MYLIP: variants seen among roughly 807,000 people sequenced by gnomAD.
The protein encoded by MYLIP is myosin regulatory light chain interacting protein.
In MYLIP, 26 loss-of-function variants were observed where a neutral mutation model predicts 45.8. The observed-to-expected ratio is 0.57, with a 90% confidence interval of 0.42 to 0.79. The LOEUF is 0.79. MYLIP is among the 30% of genes least tolerant of loss of function. The pLI is 0.00. For synonymous variants in MYLIP, 213 were observed against 218.1 expected (o/e 0.98, Z 0.21); for missense variants, 494 against 555.6 (o/e 0.89, Z 1.11).
chr6:16,157,370 C>T, the MYLIP span, among the ~76,000 whole-genome samples: 1 of 152,212 alleles, frequency 6.6e-6, no homozygotes, highest in Non-Finnish European at 1.5e-5. Flanking sequence ...ATGCATATGC[C>T]TAGATTACAA....
chr6:16,163,051 C>A, the MYLIP span, among the ~76,000 whole-genome samples: 2 of 152,040 alleles, frequency 1.3e-5, no homozygotes, highest in Non-Finnish European at 2.9e-5. Flanking sequence ...ATGAGGATGG[C>A]AGACCTGATA....
At chr6:16,154,569 T>C in the MYLIP span, among the ~76,000 whole-genome samples, 1 of 152,166 alleles carries the variant, frequency 6.6e-6, no homozygotes, top group Admixed American at 6.5e-5. Context: ...ACAGCACTGC[T>C]TCTGAGGGGC....
At chr6:16,162,803 A>AAAAAAAAAAAAAAAAAAAAC in the MYLIP span, among the ~76,000 whole-genome samples, 1 of 151,032 alleles carries the variant, frequency 6.6e-6, no homozygotes, top group African/African-American at 2.4e-5. Flanking sequence ...AAAAAAAAAA[A>AAAAAAAAAAAAAAAAAAAAC]AAGAAATTCA....
the MYLIP span, among the ~76,000 whole-genome samples, chr6:16,156,158 G>A: frequency 6.6e-6 from 1 of 152,130 alleles, no homozygotes; most frequent in Non-Finnish European, 1.5e-5. Context: ...GCTGAGCCTG[G>A]GGTTTTTATG....
chr6:16,142,136 A>G (rs1759686905), intron 3 of MYLIP, among the ~76,000 whole-genome samples: 1 of 152,254 alleles, frequency 6.6e-6, no homozygotes, highest in Non-Finnish European at 1.5e-5. Context: ...GCATATATTC[A>G]TAGAGCTATC....
intron 2 of MYLIP, among the ~76,000 whole-genome samples, chr6:16,135,314 A>AT (rs1448595740): frequency 1.3e-5 from 2 of 152,164 alleles, no homozygotes; most frequent in Non-Finnish European, 2.9e-5. Context: ...GAATAAGCAC[A>AT]TTTTTTTAGA....
At chr6:16,162,214 G>A in the MYLIP span, among the ~76,000 whole-genome samples, 1 of 152,188 alleles carries the variant, frequency 6.6e-6, no homozygotes, top group Non-Finnish European at 1.5e-5. Flanking sequence ...GGTTTATGGG[G>A]TGAGGATGTG....
intron 3 of MYLIP, 32 bp downstream of exon 3, chr6:16,141,842 C>G (rs778221438): frequency 1.3e-6 from 2 of 1,556,764 alleles, no homozygotes; most frequent in Non-Finnish European, 1.8e-6. Flanking sequence ...TTGTTTACAA[C>G]TAGAATAGGC....
At chr6:16,153,903 T>A in the MYLIP span, among the ~76,000 whole-genome samples, 2 of 152,198 alleles carry the variant, frequency 1.3e-5, no homozygotes, top group African/African-American at 2.4e-5. Context: ...CTCTTCTAAA[T>A]GCAAGTGTAA....
intron 3 of MYLIP, 80 bp downstream of exon 3, chr6:16,141,890 T>C (rs143656216): frequency 0.02 from 26,900 of 1,324,116 alleles, 361 homozygotes; most frequent in Non-Finnish European, 0.023. Context: ...GGTAAACTAA[T>C]CACACATAAT....
At position 16,129,560 on chromosome 6, in the gene MYLIP, C is replaced by A. The variant is rs567237212; in HGVS notation, c.87+151C>A. On this transcript the variant is annotated intron_variant, in intron 1 of 6. Transcript: ENST00000356840. This position sits in a 1 kb window ranked among gnomAD's most constrained non-coding sequence, Gnocchi z 5.1. ...GAGCGCGTCCCCTCCTCTCCACGGG[C>A]GTGGGGCGCGCGGTCTCCTCCTGGC... 26 of 697,458 alleles carry A rather than the reference C, an allele frequency of 3.7e-5. No homozygotes were observed. In the South Asian group the frequency reaches 5.6e-4, roughly 15 times the overall value. 43.2% of individuals were successfully genotyped at this position (697,458 alleles called of 1,614,324 possible).
chr6:16,156,007 C>T, the MYLIP span, among the ~76,000 whole-genome samples: 1 of 152,132 alleles, frequency 6.6e-6, no homozygotes, highest in African/African-American at 2.4e-5. Flanking sequence ...GATTTTATTG[C>T]TGACGAAAGT....
At chr6:16,149,908 A>T (rs1417814663), downstream of MYLIP, among the ~76,000 whole-genome samples, 1 of 152,238 alleles carries the variant, frequency 6.6e-6, no homozygotes, top group Admixed American at 6.5e-5. Context: ...TCCTGAAAGT[A>T]GAAAGGAAAT....
At position 16,141,756 on chromosome 6, in the gene MYLIP, A is replaced by G. The variant is rs763736829; in HGVS notation, c.410A>G (p.Lys137Arg). The part of the protein sequence containing the change: ...KFGDYNQNTA[K>R]YNYEELCAKE... Reference sequence around the variant, plus strand: ...GGAGACTACAACCAGAACACTGCCAAGTATAACTATGAGGAGCTCTGTGCC... The same window carrying G: ...GGAGACTACAACCAGAACACTGCCAGGTATAACTATGAGGAGCTCTGTGCC... Residue 137 changes from lysine (K) to arginine (R), a missense_variant, in exon 3 of 7, where the codon AAG becomes AGG. Physicochemically the swap from Lys to Arg is conservative, Grantham distance 26. Transcript: ENST00000356840. The G allele has an allele frequency of 1.9e-6, 3 of 1,614,140 alleles. No homozygotes were observed. In the East Asian group the frequency reaches 6.7e-5, roughly 36 times the overall value.
intron 2 of MYLIP, among the ~76,000 whole-genome samples, chr6:16,132,709 C>A (rs1165675895): frequency 6.6e-6 from 1 of 152,114 alleles, no homozygotes; most frequent in Non-Finnish European, 1.5e-5. Context: ...TTACAATTAG[C>A]ATTGTTTTTA....
intron 2 of MYLIP, among the ~76,000 whole-genome samples, chr6:16,136,013 G>A (rs1289685159): frequency 1.3e-5 from 2 of 151,676 alleles, no homozygotes; most frequent in African/African-American, 4.8e-5. Context: ...TTGTATATAA[G>A]TATGTTTCCC....
chr6:16,140,164 G>A (rs923368706), intron 2 of MYLIP, among the ~76,000 whole-genome samples: 3 of 152,184 alleles, frequency 2.0e-5, no homozygotes, highest in African/African-American at 7.2e-5. Flanking sequence ...TTTGTTAATG[G>A]GACGAATAAT....
In MYLIP at chr6:16,130,608, A is replaced by G; in HGVS notation, c.139A>G (p.Thr47Ala). ...IEVDYFGLQFTGSKGESLWLN... is the reference protein window; with the variant it reads ...IEVDYFGLQFAGSKGESLWLN... ...AGTTGACTATTTTGGACTGCAGTTTACGGGTAGCAAAGGTGAAAGTTTATG... is the reference window on the plus strand; with the variant it reads ...AGTTGACTATTTTGGACTGCAGTTTGCGGGTAGCAAAGGTGAAAGTTTATG... The change falls in exon 2 of 7, where the codon ACG (threonine) becomes GCG (alanine). Residue 47 changes from threonine to alanine, a missense_variant. Physicochemically the swap from Thr to Ala is moderately conservative, Grantham distance 58. Coordinates refer to ENST00000356840, the MANE Select transcript of MYLIP (RefSeq NM_013262.4). 1.2e-6 allele frequency: 2 copies of G among 1,614,202 alleles called. No individual in the cohort carries two copies. The highest frequency in any genetic ancestry group is 1.3e-5 in the African/African-American group (1 of 75,058).
At chr6:16,141,434 A>T in intron 2 of MYLIP, 191 bp from the exon 3 acceptor site, 1 of 457,374 alleles carries the variant, frequency 2.2e-6, no homozygotes, top group Non-Finnish European at 3.8e-6. Flanking sequence ...CTTTTATTCC[A>T]GAGAAACGCA....
Sources: gnomAD v4.1 joint callset for allele counts (sites outside exome capture counted in the v4.1 genomes callset) on GRCh38, gnomAD v4.1.1 for gene constraint, Gnocchi (gnomAD v3.1) non-coding constraint, MANE v1.5 for transcripts, NCBI Gene and HGNC (gene_info 2026-07-23, HGNC 2026-07-21) for gene names.